The following DAB1 variants were observed in gnomAD, a reference collection of about 807,000 sequenced individuals.
DAB1 encodes DAB adaptor protein 1.
Under a neutral mutation model 64.6 loss-of-function variants are expected in DAB1, and 15 were observed. The observed-to-expected ratio is 0.23, with a 90% CI of 0.16 to 0.36. The LOEUF (loss-of-function observed/expected upper bound fraction) is 0.36. DAB1 is among the 10% of genes least tolerant of loss of function. DAB1 has a pLI of 1.00. For missense variants in DAB1, 596 were observed against 706.7 expected (o/e 0.84, Z 1.78); for synonymous variants, 235 against 251.9 (o/e 0.93, Z 0.64).
intron 3 of DAB1, among the ~76,000 whole-genome samples, chr1:58,377,247 G>A (rs537017704): frequency 8.8e-5 from 13 of 148,176 alleles, no homozygotes; most frequent in African/African-American, 2.3e-4. Context: ...GATTTTGCTC[G>A]TTAGTTGATG....
chr1:57,640,181 C>T (rs1406932415), intron 7 of DAB1, among the ~76,000 whole-genome samples: 4 of 152,070 alleles, frequency 2.6e-5, no homozygotes, highest in Non-Finnish European at 4.4e-5. Flanking sequence ...CACTTGGGGC[C>T]TCAAATTCCT....
intron 4 of DAB1, among the ~76,000 whole-genome samples, chr1:58,324,829 C>T (rs11207196): frequency 0.19 from 29,386 of 152,068 alleles, 2,986 homozygotes; most frequent in Middle Eastern, 0.29. Flanking sequence ...AGAATATATC[C>T]CCCTACCTAT....
intron 3 of DAB1, among the ~76,000 whole-genome samples, chr1:58,420,745 G>A (rs547311266): frequency 1.3e-5 from 2 of 152,148 alleles, no homozygotes; most frequent in Non-Finnish European, 2.9e-5. Context: ...TAGGGTTATT[G>A]TTGGGACAGA....
intron 6 of DAB1, among the ~76,000 whole-genome samples, chr1:57,676,006 G>A (rs1275030339): frequency 6.6e-6 from 1 of 152,214 alleles, no homozygotes; most frequent in Non-Finnish European, 1.5e-5. Flanking sequence ...CTGTGTGTGT[G>A]CAAGGACCAA....
At chr1:57,205,368 G>A (rs1665451132) in intron 2 of DAB1, among the ~76,000 whole-genome samples, 2 of 152,184 alleles carry the variant, frequency 1.3e-5, no homozygotes, top group African/African-American at 2.4e-5. Flanking sequence ...GACAAAATAG[G>A]CGAAGTCTCT....
chr1:57,412,989 C>T (rs947171730), intron 1 of DAB1, among the ~76,000 whole-genome samples: 9 of 152,186 alleles, frequency 5.9e-5, no homozygotes, highest in Non-Finnish European at 1.3e-4. Flanking sequence ...CTTCAAAAGA[C>T]AGACTGACTC....
At chr1:57,157,570 AAGAGAGAGAGAG>A (rs34642210) in intron 2 of DAB1, among the ~76,000 whole-genome samples, 17,747 of 148,116 alleles carry the variant, frequency 0.12, 1,291 homozygotes, top group East Asian at 0.39. Context: ...TGCACTGAGA[AAGAGAGAGAGAG>A]AGAGAGAGAG....
At chr1:57,745,015 A>G (rs142634567) in intron 6 of DAB1, among the ~76,000 whole-genome samples, 275 of 152,360 alleles carry the variant, frequency 1.8e-3, no homozygotes, top group African/African-American at 6.3e-3. Context: ...TTTTAGCAAT[A>G]TGAATCTCAT....
chr1:58,535,885 T>C (rs1159485026), intron 1 of DAB1, among the ~76,000 whole-genome samples: 1 of 152,096 alleles, frequency 6.6e-6, no homozygotes, highest in Non-Finnish European at 1.5e-5. Flanking sequence ...AAATCTTATA[T>C]TACTTGATTT....
chr1:57,045,250 A>G (rs1648317361), intron 9 of DAB1, among the ~76,000 whole-genome samples: 1 of 152,194 alleles, frequency 6.6e-6, no homozygotes, highest in South Asian at 2.1e-4. Flanking sequence ...GTCTAACCCA[A>G]TTCTCTCTTG....
At chr1:57,795,588 T>C (rs1281217693) in intron 6 of DAB1, among the ~76,000 whole-genome samples, 1 of 150,932 alleles carries the variant, frequency 6.6e-6, no homozygotes. Flanking sequence ...CAGAGTCCTA[T>C]ACAAACATTT....
At chr1:58,026,036 T>C (rs920858885) in intron 5 of DAB1, among the ~76,000 whole-genome samples, 1 of 152,028 alleles carries the variant, frequency 6.6e-6, no homozygotes, top group African/African-American at 2.4e-5. Context: ...CTAATAGCTC[T>C]CTAATATATT....
At chr1:57,206,172 T>A (rs1665520832) in intron 2 of DAB1, among the ~76,000 whole-genome samples, 1 of 152,196 alleles carries the variant, frequency 6.6e-6, no homozygotes. Context: ...TGTTCTGCAA[T>A]TTAGGGAACT....
At chr1:57,823,629 A>G (rs1652220487), downstream of DAB1, among the ~76,000 whole-genome samples, 1 of 152,186 alleles carries the variant, frequency 6.6e-6, no homozygotes, top group South Asian at 2.1e-4. Context: ...AGCACCTAGC[A>G]GACTGTCTGG....
intron 7 of DAB1, among the ~76,000 whole-genome samples, chr1:57,431,158 G>A (rs371793081): frequency 0.04 from 4,902 of 121,054 alleles, 139 homozygotes; most frequent in Non-Finnish European, 0.056. Flanking sequence ...AAAAAAAAAA[G>A]AAAAACAAAA....
rs74327882 is a variant in DAB1 at position 57,035,823 on chromosome 1, C to T, written c.724-9780G>A. On this transcript the variant is annotated intron_variant, in intron 9 of 14. Transcript: ENST00000371236. ...TCCTATTTTTGGCTCATTTCAGTAA[C>T]GCACATGCACTTTTTTTTTTTTTTT... Among the ~76,000 whole-genome samples, 1,098 of 144,868 alleles carry T rather than the reference C, an allele frequency of 7.6e-3. 4 individuals are homozygous for T. Among genetic ancestry groups the T allele is most frequent in the African/African-American group, 0.013 (517 of 39,176 alleles).
intron 4 of DAB1, among the ~76,000 whole-genome samples, chr1:58,331,051 A>C (rs372605307): frequency 1.3e-5 from 2 of 152,198 alleles, no homozygotes; most frequent in Non-Finnish European, 2.9e-5. Flanking sequence ...AGTAAACTGT[A>C]AATCTTCTGG....
chr1:57,799,937 A>C (rs892989647), intron 6 of DAB1, among the ~76,000 whole-genome samples: 2 of 152,222 alleles, frequency 1.3e-5, no homozygotes, highest in Non-Finnish European at 2.9e-5. Flanking sequence ...AATATTTACT[A>C]TCTGGCCCTT....
chr1:57,723,005 T>G (rs564144095), intron 6 of DAB1, among the ~76,000 whole-genome samples: 5 of 152,290 alleles, frequency 3.3e-5, no homozygotes, highest in Non-Finnish European at 7.4e-5. Context: ...CTCCAAAAGC[T>G]TTCAATGGCT....
Sources: gnomAD v4.1 joint callset for allele counts (sites outside exome capture counted in the v4.1 genomes callset) on GRCh38, gnomAD v4.1.1 for gene constraint, MANE v1.5 for transcripts, NCBI Gene and HGNC (gene_info 2026-07-23, HGNC 2026-07-21) for gene names.